SAMD5: variants seen among roughly 807,000 people sequenced by gnomAD.
SAMD5 encodes the protein sterile alpha motif domain containing 5.
SAMD5 carries 13 observed loss-of-function variants against 11.3 expected under a neutral mutation model. The observed-to-expected ratio is 1.15, with a 90% CI of 0.75 to 1.83. The LOEUF (loss-of-function observed/expected upper bound fraction) is 1.83, where lower values mean the gene tolerates loss of function less well. Ranked by LOEUF, SAMD5 falls within the 40% of genes most tolerant of loss-of-function variation. The pLI is 0.00. For missense variants in SAMD5, 255 were observed against 239.1 expected, an observed-to-expected ratio of 1.07 and a Z score of -0.44; for synonymous variants, 129 against 111.3, an observed-to-expected ratio of 1.16 and a Z score of -1.00.
At chr6:147,887,930 C>T in the SAMD5 span, among the ~76,000 whole-genome samples, 1 of 152,102 alleles carries the variant, frequency 6.6e-6, no homozygotes, top group African/African-American at 2.4e-5. Flanking sequence ...TGATGTTAAA[C>T]ATCTTTTCAT....
chr6:147,553,916 A>C (rs945359239), intron 1 of SAMD5, among the ~76,000 whole-genome samples: 9 of 152,060 alleles, frequency 5.9e-5, no homozygotes, highest in African/African-American at 2.2e-4. Context: ...GGAAAACAAC[A>C]CGGGTACCCT....
the SAMD5 span, among the ~76,000 whole-genome samples, chr6:147,945,108 C>G: frequency 6.6e-6 from 1 of 152,348 alleles, no homozygotes; most frequent in Non-Finnish European, 1.5e-5. Context: ...CTCCAACTCT[C>G]CAGTCCTGCC....
chr6:147,909,612 CTT>C, the SAMD5 span, among the ~76,000 whole-genome samples: 1 of 73,026 alleles, frequency 1.4e-5, no homozygotes, highest in Non-Finnish European at 2.4e-5. Context: ...TTCTTTCTTT[CTT>C]TCTTTCTTTC....
At chr6:147,783,923 G>A in the SAMD5 span, among the ~76,000 whole-genome samples, 5 of 152,130 alleles carry the variant, frequency 3.3e-5, no homozygotes, top group South Asian at 2.1e-4. Context: ...ATTCTCCTTC[G>A]AGTCTTCTGG....
chr6:147,603,536 C>G (rs546307250), intron 1 of SAMD5, among the ~76,000 whole-genome samples: 1 of 152,094 alleles, frequency 6.6e-6, no homozygotes, highest in East Asian at 1.9e-4. Context: ...GTTGGAGGAG[C>G]GACAAGAATG....
At chr6:147,662,276 A>G (rs1790659508) in intron 1 of SAMD5, among the ~76,000 whole-genome samples, 1 of 152,234 alleles carries the variant, frequency 6.6e-6, no homozygotes, top group South Asian at 2.1e-4. Flanking sequence ...GACTTTGGGA[A>G]CAGACAACAA....
the SAMD5 span, among the ~76,000 whole-genome samples, chr6:147,873,702 G>A: frequency 6.6e-6 from 1 of 152,046 alleles, no homozygotes; most frequent in Non-Finnish European, 1.5e-5. Flanking sequence ...AAATTTTAAA[G>A]TACCTGAGTT....
rs186398452 is a variant in SAMD5, at chr6:147,731,184, C to T, written c.163-6133C>T. 3.3e-5 allele frequency among the ~76,000 whole-genome samples: 5 copies of T among 152,240 alleles called. No individual in the cohort carries two copies. In the East Asian group the frequency reaches 7.7e-4, roughly 24 times the overall value. On this transcript the variant is annotated intron_variant, in intron 1 of 1. Coordinates refer to the SAMD5 transcript ENST00000566741. ...AGCTGACAAGCAATGGAACCAGGTC[C>T]GAGCCCAGACATTTCACACCAGTGC...
At chr6:147,951,253 C>T in the SAMD5 span, among the ~76,000 whole-genome samples, 1 of 151,608 alleles carries the variant, frequency 6.6e-6, no homozygotes, top group Admixed American at 6.6e-5. Flanking sequence ...GCGATCTCGG[C>T]TCACTGCAAG....
chr6:147,757,402 T>C, the SAMD5 span, among the ~76,000 whole-genome samples: 4 of 152,184 alleles, frequency 2.6e-5, no homozygotes, highest in African/African-American at 9.7e-5. Context: ...CATGTTTTTA[T>C]GAGTATAAAT....
At chr6:147,720,736 T>C (rs1791539050) in intron 1 of SAMD5, among the ~76,000 whole-genome samples, 2 of 151,934 alleles carry the variant, frequency 1.3e-5, no homozygotes, top group African/African-American at 4.8e-5. Context: ...TTAGGGTACA[T>C]GTGCACAATG....
intron 1 of SAMD5, among the ~76,000 whole-genome samples, chr6:147,611,466 G>A (rs1038246301): frequency 8.5e-5 from 13 of 152,088 alleles, no homozygotes; most frequent in African/African-American, 2.4e-4. Flanking sequence ...AGGAGGCTGA[G>A]GCAGGAGAAT....
the SAMD5 span, among the ~76,000 whole-genome samples, chr6:147,788,941 G>A: frequency 3.8e-4 from 58 of 151,956 alleles, no homozygotes; most frequent in Middle Eastern, 3.4e-3. Flanking sequence ...AAAATTAGCC[G>A]GGCGTAGTGG....
the SAMD5 span, among the ~76,000 whole-genome samples, chr6:147,866,494 G>A: frequency 6.6e-6 from 1 of 152,138 alleles, no homozygotes; most frequent in African/African-American, 2.4e-5. Context: ...TTATATAATG[G>A]TGCATAGGAA....
the SAMD5 span, among the ~76,000 whole-genome samples, chr6:147,834,553 T>C: frequency 6.6e-6 from 1 of 152,206 alleles, no homozygotes; most frequent in African/African-American, 2.4e-5. Flanking sequence ...AGCTGTTCAA[T>C]TGTTGGGGTT....
At chr6:147,930,426 T>C in the SAMD5 span, among the ~76,000 whole-genome samples, 1 of 152,102 alleles carries the variant, frequency 6.6e-6, no homozygotes, top group Admixed American at 6.6e-5. Context: ...AGTCAGTCTC[T>C]CCAGAGAGAC....
intron 1 of SAMD5, among the ~76,000 whole-genome samples, chr6:147,698,477 T>G (rs1204272465): frequency 6.6e-6 from 1 of 152,208 alleles, no homozygotes; most frequent in African/African-American, 2.4e-5. Flanking sequence ...AGCCCAGATG[T>G]GATGTCCTGT....
chr6:147,658,526 A>G (rs961722586), intron 1 of SAMD5, among the ~76,000 whole-genome samples: 2 of 152,190 alleles, frequency 1.3e-5, no homozygotes, highest in African/African-American at 2.4e-5. Context: ...AACCTTAGTG[A>G]GAAAGAGAAA....
At chr6:147,797,903 C>A in the SAMD5 span, among the ~76,000 whole-genome samples, 1 of 150,950 alleles carries the variant, frequency 6.6e-6, no homozygotes, top group Non-Finnish European at 1.5e-5. Context: ...TCTGTGGGAT[C>A]GGTGGTGATA....
Sources: gnomAD v4.1 joint callset for allele counts (sites outside exome capture counted in the v4.1 genomes callset) on GRCh38, gnomAD v4.1.1 for gene constraint, MANE v1.5 for transcripts, NCBI Gene and HGNC (gene_info 2026-07-23, HGNC 2026-07-21) for gene names.